Variants in LRP1B observed in about 807,000 individuals in gnomAD.
LRP1B encodes LDL receptor related protein 1B.
A neutral mutation model predicts 556.6 loss-of-function variants in LRP1B; 217 were observed. The observed-to-expected ratio is 0.39, with a 90% CI of 0.35 to 0.44. The LOEUF (loss-of-function observed/expected upper bound fraction) is 0.44, where lower values mean the gene tolerates loss of function less well. LRP1B is among the 20% of genes least tolerant of loss of function. LRP1B has a pLI of 1.00. For missense variants in LRP1B, 5,053 were observed against 5,620.8 expected, an observed-to-expected ratio of 0.90 and a Z score of 3.23; for synonymous variants, 2,047 against 1,865.8, an observed-to-expected ratio of 1.10 and a Z score of -2.50.
At chr2:140,772,087 G>A (rs890543182) in intron 33 of LRP1B, among the ~76,000 whole-genome samples, 4 of 152,138 alleles carry the variant, frequency 2.6e-5, no homozygotes, top group African/African-American at 9.7e-5. Context: ...TCCTGTATCT[G>A]CCAGTTTGGC....
intron 2 of LRP1B, among the ~76,000 whole-genome samples, chr2:141,525,885 C>T (rs1460583796): frequency 1.3e-5 from 2 of 151,816 alleles, no homozygotes; most frequent in Non-Finnish European, 2.9e-5. Flanking sequence ...CAAAAAATAT[C>T]GTTTATTTGA....
At chr2:141,785,014 T>A (rs1178688152) in intron 2 of LRP1B, among the ~76,000 whole-genome samples, 1 of 151,970 alleles carries the variant, frequency 6.6e-6, no homozygotes, top group African/African-American at 2.4e-5. Flanking sequence ...TTCTCTGGCA[T>A]ACTAGAGACT....
intron 3 of LRP1B, among the ~76,000 whole-genome samples, chr2:141,464,606 A>ATATATATATATATATTTT: frequency 2.2e-5 from 2 of 90,544 alleles, no homozygotes; most frequent in African/African-American, 8.6e-5. Context: ...ATATATATAT[A>ATATATATATATATATTTT]TTTTTTTAGT....
chr2:141,692,377 T>C (rs1455544192), intron 2 of LRP1B, among the ~76,000 whole-genome samples: 1 of 152,058 alleles, frequency 6.6e-6, no homozygotes, highest in East Asian at 1.9e-4. Context: ...CCTATGTTTT[T>C]GCTCTCCACA....
chr2:141,706,712 C>G (rs1338997398), intron 2 of LRP1B, among the ~76,000 whole-genome samples: 1 of 152,096 alleles, frequency 6.6e-6, no homozygotes, highest in Non-Finnish European at 1.5e-5. Flanking sequence ...TCGATATTCT[C>G]TCTTAATATC....
chr2:140,619,359 A>T (rs986912826), intron 41 of LRP1B, among the ~76,000 whole-genome samples: 10 of 151,982 alleles, frequency 6.6e-5, no homozygotes, highest in African/African-American at 2.2e-4. Context: ...CATATCTATA[A>T]AGATATGTGT....
At chr2:141,673,505 C>G (rs906998341) in intron 2 of LRP1B, among the ~76,000 whole-genome samples, 3 of 152,252 alleles carry the variant, frequency 2.0e-5, no homozygotes, top group Middle Eastern at 3.4e-3. Flanking sequence ...CATACATCCT[C>G]TGGACATATT....
At chr2:140,799,037 A>G (rs916434470) in intron 32 of LRP1B, among the ~76,000 whole-genome samples, 10 of 152,218 alleles carry the variant, frequency 6.6e-5, no homozygotes, top group Admixed American at 6.5e-4. Flanking sequence ...TAAAAAATAT[A>G]TAATTAATTT....
At chr2:141,474,568 A>G (rs1559092057) in intron 3 of LRP1B, among the ~76,000 whole-genome samples, 1 of 152,226 alleles carries the variant, frequency 6.6e-6, no homozygotes, top group Non-Finnish European at 1.5e-5. Flanking sequence ...AAAAAATGCA[A>G]TTGCATATAT....
At chr2:141,627,329 G>C (rs1688735513) in intron 2 of LRP1B, among the ~76,000 whole-genome samples, 1 of 152,214 alleles carries the variant, frequency 6.6e-6, no homozygotes, top group African/African-American at 2.4e-5. Context: ...AGGATTTTAG[G>C]TAGTGAAGCT....
chr2:140,439,365 T>G (rs1480661438), intron 66 of LRP1B, among the ~76,000 whole-genome samples: 2 of 152,170 alleles, frequency 1.3e-5, no homozygotes, highest in Non-Finnish European at 2.9e-5. Context: ...AAAAGCTTGT[T>G]TTTCCCTTGG....
At chr2:141,463,572 T>TA (rs1559083827) in intron 3 of LRP1B, among the ~76,000 whole-genome samples, 1 of 92,462 alleles carries the variant, frequency 1.1e-5, no homozygotes, top group Non-Finnish European at 2.0e-5. Context: ...ATATTATATA[T>TA]TATATATAAT....
chr2:141,282,716 C>T (rs1240536780), intron 3 of LRP1B, among the ~76,000 whole-genome samples: 1 of 151,822 alleles, frequency 6.6e-6, no homozygotes, highest in East Asian at 1.9e-4. Context: ...ATCTCATGGT[C>T]TATAGTAAGT....
intron 3 of LRP1B, among the ~76,000 whole-genome samples, chr2:141,473,554 A>G (rs531853216): frequency 1.3e-5 from 2 of 152,298 alleles, no homozygotes; most frequent in African/African-American, 4.8e-5. Flanking sequence ...TACACCTGAG[A>G]TAGGCTTGAG....
intron 18 of LRP1B, among the ~76,000 whole-genome samples, chr2:140,965,878 A>C (rs1176815440): frequency 2.1e-5 from 2 of 95,764 alleles, no homozygotes; most frequent in East Asian, 6.3e-4. Flanking sequence ...TACAAAGGAC[A>C]TGAACTCATC....
At chr2:140,534,538 T>C (rs1690863207) in intron 46 of LRP1B, among the ~76,000 whole-genome samples, 1 of 152,178 alleles carries the variant, frequency 6.6e-6, no homozygotes, top group African/African-American at 2.4e-5. Context: ...TCTGCAAGGA[T>C]TTTATAATAA....
chr2:141,420,685 C>T lies in LRP1B; in HGVS notation c.343+59711G>A, dbSNP rs151016163. Among the ~76,000 whole-genome samples, 1,480 of 152,192 alleles carry T rather than the reference C, an allele frequency of 9.7e-3. 62 individuals are homozygous for T. The highest frequency in any genetic ancestry group is 0.08 in the Admixed American group (1,217 of 15,286). On this transcript the variant is annotated intron_variant, in intron 3 of 90. Transcript: ENST00000389484. ...GAAGATAGAACATTACATCCATACT[C>T]CACTCCCTCCTTTCCTTCTAAAGGA...
At chr2:141,289,999 G>C (rs758640036) in intron 3 of LRP1B, among the ~76,000 whole-genome samples, 29 of 152,042 alleles carry the variant, frequency 1.9e-4, no homozygotes, top group Non-Finnish European at 3.5e-4. Context: ...TGAAGAACTT[G>C]AGGCTCAGTC....
At chr2:140,652,416 G>T (rs1684721553) in intron 41 of LRP1B, among the ~76,000 whole-genome samples, 1 of 151,898 alleles carries the variant, frequency 6.6e-6, no homozygotes, top group Admixed American at 6.5e-5. Flanking sequence ...TATTGCACAA[G>T]AAAAGTTTTT....
Sources: allele counts gnomAD v4.1 joint callset (sites outside exome capture counted in the v4.1 genomes callset), GRCh38; gene constraint gnomAD v4.1.1; transcripts MANE v1.5; gene names NCBI Gene and HGNC (gene_info 2026-07-23, HGNC 2026-07-21).